Variants in DCLK1 observed in about 807,000 individuals in gnomAD.
DCLK1 encodes the protein doublecortin like kinase 1, also known as serine/threonine-protein kinase DCLK1.
Under a neutral mutation model 86.2 loss-of-function variants are expected in DCLK1, and 16 were observed. The ratio of observed to expected loss-of-function variants is 0.19; its 90% CI spans 0.13 to 0.28. The LOEUF is 0.28. DCLK1 is among the 10% of genes least tolerant of loss of function. The probability of loss-of-function intolerance (pLI) is 1.00; values close to 1 mark genes in which losing one functional copy is unlikely to be tolerated. For missense variants in DCLK1, 590 were observed against 940.2 expected (o/e 0.63, Z 4.87); for synonymous variants, 369 against 370.5 (o/e 1.00, Z 0.05).
chr13:36,095,609 C>T (rs769728482), intron 3 of DCLK1, among the ~76,000 whole-genome samples: 4 of 152,098 alleles, frequency 2.6e-5, no homozygotes, highest in African/African-American at 4.8e-5. Flanking sequence ...TTTATGTCAC[C>T]GGATAAGTAA....
At chr13:36,019,488 A>G (rs1881679123) in intron 3 of DCLK1, among the ~76,000 whole-genome samples, 1 of 152,224 alleles carries the variant, frequency 6.6e-6, no homozygotes, top group African/African-American at 2.4e-5. Context: ...AGCACAGTAT[A>G]TATACATCAC....
chr13:36,032,089 G>A (rs1023667805), intron 3 of DCLK1, among the ~76,000 whole-genome samples: 6 of 151,810 alleles, frequency 4.0e-5, no homozygotes, highest in African/African-American at 1.2e-4. Flanking sequence ...TAGGTATTAT[G>A]TTTCTACAAA....
chr13:36,108,505 G>A (rs1885486034), intron 3 of DCLK1, among the ~76,000 whole-genome samples: 1 of 152,182 alleles, frequency 6.6e-6, no homozygotes, highest in East Asian at 1.9e-4. Context: ...ACAGCATGTG[G>A]TCTGTGCCCT....
At chr13:36,048,201 T>C (rs1031065052) in intron 3 of DCLK1, among the ~76,000 whole-genome samples, 6 of 152,142 alleles carry the variant, frequency 3.9e-5, no homozygotes, top group Non-Finnish European at 7.4e-5. Context: ...CCAACTGATA[T>C]ATTTAGCATT....
intron 3 of DCLK1, among the ~76,000 whole-genome samples, chr13:35,966,849 C>T (rs1396205014): frequency 5.9e-5 from 9 of 151,954 alleles, no homozygotes; most frequent in African/African-American, 1.2e-4. Flanking sequence ...GATCTCCGCT[C>T]GCTACCACCT....
Position 35,828,109 on chromosome 13 carries a change from T to A in DCLK1, c.1287+141A>T, listed in dbSNP as rs1194806811. ...TTTTATCCCAGGGATATACATAAAGTTATATTCTAGTAAGTGTATAACATT... is the reference window on the plus strand; with the variant it reads ...TTTTATCCCAGGGATATACATAAAGATATATTCTAGTAAGTGTATAACATT... On this transcript the variant is annotated intron_variant, in intron 9 of 16. Coordinates refer to ENST00000360631, the MANE Select transcript of DCLK1 (RefSeq NM_001330071.2). 6.0e-6 allele frequency: 4 copies of A among 671,076 alleles called. No homozygotes were observed. The African/African-American group carries it at 7.2e-5, about 12-fold the overall frequency. The allele number at this position is 671,076 out of a possible 1,614,324, so 41.6% of individuals were successfully genotyped here. A position where few individuals can be genotyped will look rare whatever the true frequency, so the allele number is the denominator to read the frequency against.
intron 15 of DCLK1, among the ~76,000 whole-genome samples, chr13:35,795,758 T>C (rs1257089799): frequency 1.3e-5 from 2 of 151,914 alleles, no homozygotes; most frequent in Non-Finnish European, 2.9e-5. Flanking sequence ...CTGACTCTAC[T>C]AAAAATACAA....
chr13:36,079,556 C>T (rs12867572), intron 3 of DCLK1, among the ~76,000 whole-genome samples: 26,354 of 151,866 alleles, frequency 0.17, 2,705 homozygotes, highest in East Asian at 0.45. Context: ...TGCTTAAACC[C>T]GGGAGACGGA....
At chr13:36,117,137 C>T (rs915609649) in intron 2 of DCLK1, among the ~76,000 whole-genome samples, 1 of 151,056 alleles carries the variant, frequency 6.6e-6, no homozygotes, top group African/African-American at 2.4e-5. Flanking sequence ...CTTCTCAAAT[C>T]CAAAGCAACA....
At chr13:35,798,721 A>C (rs1383375511) in intron 15 of DCLK1, among the ~76,000 whole-genome samples, 1 of 152,222 alleles carries the variant, frequency 6.6e-6, no homozygotes, top group East Asian at 1.9e-4. Context: ...CATCGTTTAA[A>C]ATTTGTGAAT....
intron 3 of DCLK1, among the ~76,000 whole-genome samples, chr13:36,022,757 T>C (rs1450386668): frequency 6.6e-6 from 1 of 152,082 alleles, no homozygotes; most frequent in Non-Finnish European, 1.5e-5. Context: ...AATAAGTTAG[T>C]AATCAAAAAA....
chr13:36,075,606 T>C (rs369524332), intron 3 of DCLK1, among the ~76,000 whole-genome samples: 14 of 152,256 alleles, frequency 9.2e-5, no homozygotes, highest in African/African-American at 3.1e-4. Context: ...CTGGAGAGCC[T>C]AGGGTGAATT....
At chr13:36,131,656 A>C (rs1031570293), upstream of DCLK1, among the ~76,000 whole-genome samples, 1 of 152,226 alleles carries the variant, frequency 6.6e-6, no homozygotes, top group Non-Finnish European at 1.5e-5. Context: ...ATGGTGGAAG[A>C]GAACGTGGAC....
At chr13:35,883,904 G>A (rs1341220833) in intron 4 of DCLK1, among the ~76,000 whole-genome samples, 1 of 152,210 alleles carries the variant, frequency 6.6e-6, no homozygotes, top group Non-Finnish European at 1.5e-5. Context: ...GTGGCTTCAT[G>A]TGCCAAAGTG....
rs966936643 is a variant in DCLK1, at chr13:35,941,728, T to A, written c.823+5630A>T. On this transcript the variant is annotated intron_variant, in intron 4 of 16. Coordinates refer to ENST00000360631, the MANE Select transcript of DCLK1 (RefSeq NM_001330071.2). ...TCTGAAAGCTTGTTTACATTTCTTC[T>A]ACAGTTACTTAGTTTTATGAATATT... Among the ~76,000 whole-genome samples, 106 of 152,354 alleles carry A rather than the reference T, an allele frequency of 7.0e-4. 1 individual carries two copies. The highest frequency in any genetic ancestry group is 2.4e-3 in the African/African-American group (100 of 41,584).
At chr13:36,027,884 A>G (rs988895813) in intron 3 of DCLK1, among the ~76,000 whole-genome samples, 5 of 151,968 alleles carry the variant, frequency 3.3e-5, no homozygotes, top group African/African-American at 1.2e-4. Context: ...GGTGCATGGC[A>G]CCACACCTGG....
rs1348591597 is a variant in DCLK1, at chr13:35,933,816, T to G, written c.823+13542A>C. Reference sequence around the variant, plus strand: ...CATGCCCTGGAGACATTTTCCCCATTGTCTTGGGAATGAAAATTTGGCTGC... The same window carrying G: ...CATGCCCTGGAGACATTTTCCCCATGGTCTTGGGAATGAAAATTTGGCTGC... On this transcript the variant is annotated intron_variant, in intron 4 of 16. Coordinates refer to ENST00000360631, the MANE Select transcript of DCLK1 (RefSeq NM_001330071.2). Among the ~76,000 whole-genome samples the G allele has an allele frequency of 3.9e-5, 6 of 152,176 alleles. 1 individual carries two copies.
intron 1 of DCLK1, 98 bp from the exon 2 acceptor site, chr13:36,126,254 G>T: frequency 2.0e-6 from 2 of 1,021,198 alleles, no homozygotes; most frequent in Non-Finnish European, 2.6e-6. Context: ...TAGGGACAGG[G>T]TCCTGCTCTG....
At chr13:35,927,478 T>TG (rs1876189245) in intron 4 of DCLK1, among the ~76,000 whole-genome samples, 2 of 152,192 alleles carry the variant, frequency 1.3e-5, no homozygotes, top group African/African-American at 4.8e-5. Flanking sequence ...TCTGATAAGT[T>TG]CATTGTTTTT....
Sources: gnomAD v4.1 joint callset for allele counts (sites outside exome capture counted in the v4.1 genomes callset) on GRCh38, gnomAD v4.1.1 for gene constraint, MANE v1.5 for transcripts, NCBI Gene and HGNC (gene_info 2026-07-23, HGNC 2026-07-21) for gene names.